The following LVRN variants were observed in gnomAD, a reference collection of about 807,000 sequenced individuals.
LVRN encodes laeverin.
A neutral mutation model predicts 111.4 loss-of-function variants in LVRN; 99 were observed. The ratio of observed to expected loss-of-function variants is 0.89; its 90% CI spans 0.76 to 1.05. The LOEUF (loss-of-function observed/expected upper bound fraction) is 1.05, where lower values mean the gene tolerates loss of function less well. Ranked by LOEUF, LVRN falls within the 50% of genes least tolerant of loss-of-function variation. The pLI is 0.00. For missense variants in LVRN, 1,414 were observed against 1,206.8 expected (o/e 1.17, Z -2.54); for synonymous variants, 488 against 449.5 (o/e 1.09, Z -1.08).
At chr5:115,993,647 T>C (rs1193141692) in intron 5 of LVRN, 94 bp from the exon 6 acceptor site, 6 of 798,748 alleles carry the variant, frequency 7.5e-6, no homozygotes, top group Admixed American at 3.0e-5. Context: ...TAATTATGTC[T>C]TTTGACCTTA....
intron 3 of LVRN, among the ~76,000 whole-genome samples, chr5:115,986,826 T>C (rs1350611166): frequency 6.6e-6 from 1 of 152,218 alleles, no homozygotes; most frequent in Non-Finnish European, 1.5e-5. Flanking sequence ...AATATGTTCT[T>C]GGAGGGCACA....
At chr5:115,969,629 C>G (rs956731177) in intron 1 of LVRN, among the ~76,000 whole-genome samples, 7 of 151,804 alleles carry the variant, frequency 4.6e-5, no homozygotes, top group African/African-American at 1.7e-4. Context: ...AACCCCGTCT[C>G]TACTAAAAAT....
In LVRN at chr5:115,962,542, T is replaced by G. The variant is rs763616917; in HGVS notation, c.-76T>G. On this transcript the variant is annotated 5_prime_UTR_variant, in exon 1 of 20. Transcript: ENST00000357872. ...AGAGGAGGGGCAGGGGTCGCAGCAC[T>G]GAACACCCTGGCCGGGGTTTTGACA... The G allele has an allele frequency of 7.2e-6, 10 of 1,384,572 alleles. No homozygotes were observed. Among genetic ancestry groups the G allele is most frequent in the Non-Finnish European group, 1.0e-5 (10 of 1,002,504 alleles). The allele number at this position is 1,384,572 out of a possible 1,614,324, so 85.8% of individuals were successfully genotyped here.
chr5:116,014,270 T>G (rs976957065), intron 15 of LVRN, 150 bp from the exon 16 acceptor site: 4 of 609,922 alleles, frequency 6.6e-6, no homozygotes, highest in Non-Finnish European at 1.1e-5. Context: ...ACATCTGTCA[T>G]CCACAAAAAC....
chr5:116,015,873 A>G, intron 18 of LVRN, 108 bp downstream of exon 18: 2 of 1,360,100 alleles, frequency 1.5e-6, no homozygotes, highest in Non-Finnish European at 2.0e-6. Context: ...TAGGCCACAA[A>G]CGTCCTTTGC....
At chr5:115,988,442 T>C (rs910019411) in intron 4 of LVRN, among the ~76,000 whole-genome samples, 1 of 152,196 alleles carries the variant, frequency 6.6e-6, no homozygotes, top group South Asian at 2.1e-4. Flanking sequence ...GAATATAATA[T>C]GATCCTTAAG....
chr5:116,011,268 ATG>A (rs1561567731), intron 14 of LVRN, among the ~76,000 whole-genome samples: 1 of 151,898 alleles, frequency 6.6e-6, no homozygotes, highest in Non-Finnish European at 1.5e-5. Context: ...CCAGAATGAA[ATG>A]TAACAACTCT....
At chr5:115,968,029 C>A (rs533024817) in intron 1 of LVRN, among the ~76,000 whole-genome samples, 1 of 152,264 alleles carries the variant, frequency 6.6e-6, no homozygotes, top group South Asian at 2.1e-4. Context: ...ATGTTGTCAA[C>A]AAACGGAGAC....
At position 116,027,255 on chromosome 5, in the gene LVRN, A is replaced by G. The variant is rs1748886675; in HGVS notation, c.*1137A>G. 1.3e-5 allele frequency: 2 copies of G among 152,196 alleles called. No individual in the cohort carries two copies. The highest frequency in any genetic ancestry group is 4.1e-4 in the South Asian group (2 of 4,824). 9.4% of individuals were successfully genotyped at this position (152,196 alleles called of 1,614,324 possible). On this transcript the variant is annotated 3_prime_UTR_variant, in exon 20 of 20. Coordinates refer to ENST00000357872, the MANE Select transcript of LVRN (RefSeq NM_173800.5). ...TTTTTATTTTTGTAGAATGGGGGTAAAACTACAAATCTCCTCCTCAGGGTG... is the reference window on the plus strand; with the variant it reads ...TTTTTATTTTTGTAGAATGGGGGTAGAACTACAAATCTCCTCCTCAGGGTG...
At chr5:116,014,063 T>C (rs1334796819) in intron 15 of LVRN, among the ~76,000 whole-genome samples, 1 of 152,200 alleles carries the variant, frequency 6.6e-6, no homozygotes, top group African/African-American at 2.4e-5. Flanking sequence ...TGAAATCATT[T>C]TTTATCCATA....
rs1488327475 is a variant in LVRN, at chr5:116,000,516, T to C, written c.1581+18T>C. On this transcript the variant is annotated intron_variant, in intron 8 of 19. Transcript: ENST00000357872. ...CACTCAAGGTGAGTTTGCAAAATAG[T>C]CGTTACCTGGATGGCAGTAAACATA... The C allele has an allele frequency of 3.1e-6, 5 of 1,613,832 alleles. No homozygotes were observed. Among genetic ancestry groups the C allele is most frequent in the Non-Finnish European group, 4.2e-6 (5 of 1,179,694 alleles).
chr5:115,992,131 G>C lies in LVRN; in HGVS notation c.1114G>C (p.Ala372Pro). The C allele has an allele frequency of 6.2e-7, 1 of 1,611,702 alleles. No individual in the cohort carries two copies. The highest frequency in any genetic ancestry group is 8.5e-7 in the Non-Finnish European group (1 of 1,179,076). ...SYSLPKTDII[A>P]LPSFDNHAME... ...CATTTAAATCCACTTAGATATAATT[G>C]CCTTGCCTAGTTTTGACAACCATGC... Residue 372 changes from alanine to proline, a missense_variant, in exon 5 of 20, where the codon GCC (alanine) becomes CCC (proline). By Grantham distance (27) the Ala-to-Pro change is conservative. Coordinates refer to ENST00000357872, the MANE Select transcript of LVRN (RefSeq NM_173800.5).
At chr5:115,966,607 C>G (rs1212359560) in intron 1 of LVRN, among the ~76,000 whole-genome samples, 1 of 152,174 alleles carries the variant, frequency 6.6e-6, no homozygotes. Context: ...CTTTGCCTCC[C>G]AAAGCACTTG....
At chr5:115,969,235 T>C (rs1446999120) in intron 1 of LVRN, among the ~76,000 whole-genome samples, 4 of 152,180 alleles carry the variant, frequency 2.6e-5, no homozygotes, top group Non-Finnish European at 2.9e-5. Context: ...TAAGGTTTTC[T>C]TCACATTTGG....
Position 116,015,432 on chromosome 5 carries a change from A to G in LVRN, c.2618+13A>G. The stretch of plus-strand genomic sequence containing the variant: ...GGATACTTAACAGGTGATTATGGTC[A>G]ACTTACCTTGAAAGTTTCTGTTATA... On this transcript the variant is annotated intron_variant, in intron 17 of 19. Transcript: ENST00000357872. 10 of 1,555,600 alleles carry G rather than the reference A, an allele frequency of 6.4e-6. No homozygotes were observed. The highest frequency in any genetic ancestry group is 8.6e-6 in the Non-Finnish European group (10 of 1,156,842).
In LVRN at chr5:115,963,310, C is replaced by T. The variant is rs1325667849; in HGVS notation, c.693C>T (p.Arg231=). The T allele has an allele frequency of 1.2e-6, 2 of 1,603,722 alleles. No individual in the cohort carries two copies. Among genetic ancestry groups the T allele is most frequent in the Non-Finnish European group, 1.7e-6 (2 of 1,175,276 alleles). The change falls in exon 1 of 20, where the codon CGC becomes CGT. Residue 231 remains arginine (R), a splice_region_variant and synonymous_variant. Coordinates refer to ENST00000357872, the MANE Select transcript of LVRN (RefSeq NM_173800.5). ...FLNVYTDQGE[R]RALLASQLEP... ...ACGTCTACACCGACCAGGGCGAGCG[C>T]AGGTAAGGGCTGTACAGCCCGGGGC...
At chr5:116,011,849 A>G (rs991590576) in intron 14 of LVRN, among the ~76,000 whole-genome samples, 2 of 152,200 alleles carry the variant, frequency 1.3e-5, no homozygotes, top group Admixed American at 6.5e-5. Flanking sequence ...GTATTAGTAA[A>G]TGTCTAACTT....
intron 3 of LVRN, among the ~76,000 whole-genome samples, chr5:115,985,303 G>T (rs180775417): frequency 2.0e-5 from 3 of 152,242 alleles, no homozygotes; most frequent in Admixed American, 6.5e-5. Context: ...TAGTTTGTTG[G>T]TTTGGAATGT....
At chr5:116,013,658 G>A (rs1242890370) in intron 15 of LVRN, among the ~76,000 whole-genome samples, 1 of 152,098 alleles carries the variant, frequency 6.6e-6, no homozygotes, top group Non-Finnish European at 1.5e-5. Context: ...GTCAGGCCAG[G>A]CTGGGTTGAA....
Sources: allele counts gnomAD v4.1 joint callset (sites outside exome capture counted in the v4.1 genomes callset), GRCh38; gene constraint gnomAD v4.1.1; transcripts MANE v1.5; gene names NCBI Gene and HGNC (gene_info 2026-07-23, HGNC 2026-07-21).